PLEKHG7: variants seen among roughly 807,000 people sequenced by gnomAD.
The protein encoded by PLEKHG7 is pleckstrin homology domain-containing family G member 7.
A neutral mutation model predicts 85.2 loss-of-function variants in PLEKHG7; 77 were observed. The ratio of observed to expected loss-of-function variants is 0.90; its 90% CI spans 0.75 to 1.09. The LOEUF is 1.09. Among genes scored for constraint, PLEKHG7 ranks in the 50% least tolerant of loss-of-function variants. The probability of loss-of-function intolerance (pLI) is 0.00; values close to 1 mark genes in which losing one functional copy is unlikely to be tolerated. For synonymous variants in PLEKHG7, 301 were observed against 302.4 expected, an observed-to-expected ratio of 1.00 and a Z score of 0.05; for missense variants, 777 against 804.3, an observed-to-expected ratio of 0.97 and a Z score of 0.41.
At chr12:92,768,069 G>C (rs140183221) in intron 15 of PLEKHG7, among the ~76,000 whole-genome samples, 2 of 151,976 alleles carry the variant, frequency 1.3e-5, no homozygotes, top group Admixed American at 6.6e-5. Flanking sequence ...TTAGCCAGGC[G>C]TGGTGGCGGG....
At chr12:92,712,429 G>A (rs1871382837) in intron 3 of PLEKHG7, among the ~76,000 whole-genome samples, 4 of 152,200 alleles carry the variant, frequency 2.6e-5, no homozygotes, top group Admixed American at 6.5e-5. Context: ...ATTGGCTCAA[G>A]CAATGAAACC....
chr12:92,755,913 T>C lies in PLEKHG7; in HGVS notation c.1515T>C (p.Asp505=). The change falls in exon 12 of 17, where the codon GAT becomes GAC. Residue 505 remains aspartate (D), a synonymous_variant. Transcript: ENST00000344636. Reference sequence around the variant, plus strand: ...TTATAGTGTGGCCACCGCTTTGGGATAGAGATAAAAGGTTTTTCATTCCAG... The same window carrying C: ...TTATAGTGTGGCCACCGCTTTGGGACAGAGATAAAAGGTTTTTCATTCCAG... ...QEIIVWPPLW[D]RDKRFFIPEC... 6 of 1,612,388 alleles carry C rather than the reference T, an allele frequency of 3.7e-6. No individual in the cohort carries two copies. Among genetic ancestry groups the C allele is most frequent in the Non-Finnish European group, 5.1e-6 (6 of 1,179,352 alleles).
At chr12:92,769,176 T>C (rs113649751) in intron 16 of PLEKHG7, 96 bp downstream of exon 16, 6 of 945,746 alleles carry the variant, frequency 6.3e-6, no homozygotes, top group Non-Finnish European at 9.4e-6. Context: ...GTTTTGTGTT[T>C]TTCTCTCACC....
chr12:92,759,993 A>G (rs1872939336), intron 13 of PLEKHG7, among the ~76,000 whole-genome samples: 1 of 152,160 alleles, frequency 6.6e-6, no homozygotes, highest in African/African-American at 2.4e-5. Flanking sequence ...TTATTCCCAA[A>G]TCTAGGGAAC....
At chr12:92,716,505 G>A (rs998921049) in intron 3 of PLEKHG7, among the ~76,000 whole-genome samples, 6 of 152,098 alleles carry the variant, frequency 3.9e-5, no homozygotes, top group South Asian at 2.1e-4. Context: ...TTGTGAACTC[G>A]TTCTTCCTGC....
At chr12:92,757,647 T>C (rs1872871801) in intron 13 of PLEKHG7, among the ~76,000 whole-genome samples, 1 of 152,176 alleles carries the variant, frequency 6.6e-6, no homozygotes, top group African/African-American at 2.4e-5. Flanking sequence ...AATCCCTTGT[T>C]ATAGGTGAGA....
chr12:92,754,732 G>A (rs1482694140), intron 11 of PLEKHG7, among the ~76,000 whole-genome samples: 1 of 152,166 alleles, frequency 6.6e-6, no homozygotes, highest in African/African-American at 2.4e-5. Context: ...GAAATTTGAG[G>A]ATGGGAACTG....
At chr12:92,734,268 C>A (rs951025759) in intron 5 of PLEKHG7, among the ~76,000 whole-genome samples, 7 of 151,916 alleles carry the variant, frequency 4.6e-5, no homozygotes, top group Non-Finnish European at 1.0e-4. Flanking sequence ...TTTTCTTTTT[C>A]CTCCTTTTTT....
At chr12:92,757,567 A>T (rs1253763338) in intron 13 of PLEKHG7, among the ~76,000 whole-genome samples, 2 of 152,220 alleles carry the variant, frequency 1.3e-5, no homozygotes, top group African/African-American at 4.8e-5. Context: ...AGACATATCC[A>T]GCGTTTTATA....
intron 8 of PLEKHG7, 98 bp downstream of exon 8, chr12:92,741,046 T>C (rs538883601): frequency 1.5e-5 from 11 of 751,756 alleles, no homozygotes; most frequent in Non-Finnish European, 2.4e-5. Context: ...ATAATACATC[T>C]CCATATTCCA....
chr12:92,727,801 G>A (rs1349493802), intron 3 of PLEKHG7, among the ~76,000 whole-genome samples: 1 of 151,802 alleles, frequency 6.6e-6, no homozygotes, highest in Non-Finnish European at 1.5e-5. Flanking sequence ...ATATTGGTCA[G>A]GCTAGTCTCG....
chr12:92,738,607 G>A (rs1315571115), intron 7 of PLEKHG7, among the ~76,000 whole-genome samples: 1 of 152,224 alleles, frequency 6.6e-6, no homozygotes, highest in Non-Finnish European at 1.5e-5. Flanking sequence ...CTAAAGGAAT[G>A]TGCATGACTG....
At position 92,727,979 on chromosome 12, in the gene PLEKHG7, C is replaced by CACACCACATTCCATGGTGTATATATAAAT. The variant is rs1565789487; in HGVS notation, c.531-1013_531-1012insCACCACATTCCATGGTGTATATATAAATA. On this transcript the variant is annotated intron_variant, in intron 3 of 16. Transcript: ENST00000344636. ...GTGTGTGTGTATATATATATATACA[C>CACACCACATTCCATGGTGTATATATAAAT]ATATATACACACACCACATTCCATG... Among the ~76,000 whole-genome samples the CACACCACATTCCATGGTGTATATATAAAT allele has an allele frequency of 3.8e-5, 5 of 130,526 alleles. 1 individual carries two copies. Among genetic ancestry groups the CACACCACATTCCATGGTGTATATATAAAT allele is most frequent in the African/African-American group, 5.6e-5 (2 of 35,658 alleles). The allele number at this position is 130,526 out of a possible 152,430, so 85.6% of individuals were successfully genotyped here.
rs116780397 is a variant in PLEKHG7, at chr12:92,743,568, G to A, written c.1138-1910G>A. The stretch of plus-strand genomic sequence containing the variant: ...GACTCTATTTTTGGTGGGGGAGGGG[G>A]TGGTGGGGGTGATCAGAGTCTTGCT... On this transcript the variant is annotated intron_variant, in intron 9 of 16. Transcript: ENST00000344636. Among the ~76,000 whole-genome samples the A allele has an allele frequency of 9.6e-4, 145 of 151,672 alleles. 1 individual carries two copies. The highest frequency in any genetic ancestry group is 3.4e-3 in the African/African-American group (140 of 41,310).
chr12:92,707,310 A>G, intron 2 of PLEKHG7, 172 bp downstream of exon 2: 1 of 1,430,628 alleles, frequency 7.0e-7, no homozygotes. Context: ...AAGTGAAAGG[A>G]GGGCAGCAAT....
At chr12:92,769,788 A>G (rs1873347541) in intron 16 of PLEKHG7, among the ~76,000 whole-genome samples, 1 of 152,196 alleles carries the variant, frequency 6.6e-6, no homozygotes, top group East Asian at 1.9e-4. Context: ...CAAACTACAT[A>G]TATTCTCAGT....
chr12:92,764,039 A>C lies in PLEKHG7; in HGVS notation c.1717-2A>C. 2 of 1,591,758 alleles carry C rather than the reference A, an allele frequency of 1.3e-6. No homozygotes were observed. Among genetic ancestry groups the C allele is most frequent in the Non-Finnish European group, 1.7e-6 (2 of 1,170,432 alleles). The stretch of plus-strand genomic sequence containing the variant: ...TTGCATTATTTTTCTTGTTAATTTC[A>C]GAAACTTGGAGGCTCAGACCCTGGT... On this transcript the variant is annotated splice_acceptor_variant, in intron 14 of 16. Transcript: ENST00000344636. LOFTEE classifies it high-confidence loss of function.
At chr12:92,731,707 T>G (rs1051996033) in intron 4 of PLEKHG7, among the ~76,000 whole-genome samples, 1 of 152,142 alleles carries the variant, frequency 6.6e-6, no homozygotes, top group Non-Finnish European at 1.5e-5. Context: ...AGCCCCGACA[T>G]GGGTGATGTT....
chr12:92,708,075 C>G (rs1038822362), intron 3 of PLEKHG7: 1 of 215,182 alleles, frequency 4.6e-6, no homozygotes, highest in African/African-American at 2.3e-5. Flanking sequence ...TCTAGGGTGA[C>G]CTTTAAAATA....
Sources: gnomAD v4.1 joint callset for allele counts (sites outside exome capture counted in the v4.1 genomes callset) on GRCh38, gnomAD v4.1.1 for gene constraint, MANE v1.5 for transcripts, NCBI Gene and HGNC (gene_info 2026-07-23, HGNC 2026-07-21) for gene names.